Variants in MECOM observed in about 807,000 individuals in gnomAD.
MECOM encodes the protein MDS1 and EVI1 complex locus, also known as histone-lysine N-methyltransferase MECOM.
A neutral mutation model predicts 116.3 loss-of-function variants in MECOM; 13 were observed. That is an observed-to-expected ratio of 0.11 (90% confidence interval 0.07 to 0.18). MECOM has a LOEUF of 0.18. Among genes scored for constraint, MECOM ranks in the 10% least tolerant of loss-of-function variants. The pLI, the probability that MECOM is intolerant of heterozygous loss-of-function variation, is 1.00. For missense variants in MECOM, 1,299 were observed against 1,509.0 expected, an observed-to-expected ratio of 0.86 and a Z score of 2.31; for synonymous variants, 528 against 535.2, an observed-to-expected ratio of 0.99 and a Z score of 0.19.
At chr3:169,555,077 T>C (rs1761867903) in intron 1 of MECOM, among the ~76,000 whole-genome samples, 1 of 152,234 alleles carries the variant, frequency 6.6e-6, no homozygotes, top group Non-Finnish European at 1.5e-5. Context: ...GTCATTTATA[T>C]TTCTAACAGA....
chr3:169,390,458 G>A (rs953094684), intron 1 of MECOM, among the ~76,000 whole-genome samples: 1 of 152,182 alleles, frequency 6.6e-6, no homozygotes, highest in African/African-American at 2.4e-5. Context: ...TGTGGTTTAT[G>A]TGTGGGCAGA....
intron 1 of MECOM, chr3:169,624,011 T>G (rs971370249): frequency 6.6e-6 from 1 of 152,210 alleles, no homozygotes; most frequent in African/African-American, 2.4e-5. Context: ...ATCAATCTAT[T>G]ATGCTATGTA....
intron 2 of MECOM, among the ~76,000 whole-genome samples, chr3:169,294,468 C>T (rs1306078945): frequency 3.3e-5 from 5 of 152,082 alleles, no homozygotes; most frequent in Non-Finnish European, 7.4e-5. Flanking sequence ...AAATGTTAGC[C>T]AAGACAAGAC....
chr3:169,644,897 A>G (rs1244032158), intron 1 of MECOM, among the ~76,000 whole-genome samples: 1 of 152,182 alleles, frequency 6.6e-6, no homozygotes, highest in African/African-American at 2.4e-5. Flanking sequence ...ATACACCTGC[A>G]CACATTTTAT....
At chr3:169,231,545 G>C (rs1753394004) in intron 2 of MECOM, among the ~76,000 whole-genome samples, 3 of 152,104 alleles carry the variant, frequency 2.0e-5, no homozygotes, top group Admixed American at 2.0e-4. Flanking sequence ...GCTATAGTCA[G>C]CTGTAGTCAG....
rs1306387002 is a variant in MECOM, at chr3:169,148,176, A to G, written c.376-4344T>C. On this transcript the variant is annotated intron_variant, in intron 2 of 16. Coordinates refer to ENST00000651503, the MANE Select transcript of MECOM (RefSeq NM_004991.4). ...TTGGCATATAACCCGCCCAAACAGCATATTATGGGTTTAGAGAGATTGATG... is the reference window on the plus strand; with the variant it reads ...TTGGCATATAACCCGCCCAAACAGCGTATTATGGGTTTAGAGAGATTGATG... 3.3e-5 allele frequency among the ~76,000 whole-genome samples: 5 copies of G among 152,274 alleles called. No individual in the cohort carries two copies. The East Asian group carries it at 5.8e-4, about 18-fold the overall frequency.
chr3:169,196,073 T>C lies in MECOM; in HGVS notation c.376-52241A>G, dbSNP rs564065040. 8.5e-5 allele frequency among the ~76,000 whole-genome samples: 13 copies of C among 152,114 alleles called. No individual in the cohort carries two copies. The South Asian group carries it at 2.7e-3, about 32-fold the overall frequency. ...AGAGCTTTTTATGTTTCTTCTCTCC[T>C]ATCGTTATGAACTATAGGGATCCAG... On this transcript the variant is annotated intron_variant, in intron 2 of 16. Transcript: ENST00000651503.
At chr3:169,381,078 T>A in intron 2 of MECOM, 109 bp downstream of exon 2, 1 of 988,850 alleles carries the variant, frequency 1.0e-6, no homozygotes, top group Non-Finnish European at 1.5e-6. Flanking sequence ...AAAAACCTGT[T>A]GAAAACATAT....
At chr3:169,117,915 G>A (rs1729704738) in intron 7 of MECOM, among the ~76,000 whole-genome samples, 1 of 152,014 alleles carries the variant, frequency 6.6e-6, no homozygotes, top group African/African-American at 2.4e-5. Context: ...TTATGTGTGA[G>A]CTTATTTTAA....
chr3:169,127,505 T>C (rs913537621), intron 5 of MECOM, among the ~76,000 whole-genome samples: 1 of 152,194 alleles, frequency 6.6e-6, no homozygotes, highest in African/African-American at 2.4e-5. Context: ...TAGGGGTAGC[T>C]TTATTGTTTC....
chr3:169,325,918 A>G (rs1721758576), intron 2 of MECOM, among the ~76,000 whole-genome samples: 1 of 152,250 alleles, frequency 6.6e-6, no homozygotes, highest in Non-Finnish European at 1.5e-5. Context: ...AATGTGTAGC[A>G]CTAAATTCAA....
At chr3:169,561,347 A>C (rs1248091320) in intron 1 of MECOM, among the ~76,000 whole-genome samples, 3 of 152,106 alleles carry the variant, frequency 2.0e-5, no homozygotes, top group Non-Finnish European at 4.4e-5. Context: ...TTCTAGCAAT[A>C]GGGAAATAGA....
intron 2 of MECOM, among the ~76,000 whole-genome samples, chr3:169,209,329 T>C (rs909269516): frequency 6.6e-6 from 1 of 151,788 alleles, no homozygotes; most frequent in Non-Finnish European, 1.5e-5. Context: ...CAAAAGCAAT[T>C]GCAAAAAAAG....
intron 1 of MECOM, among the ~76,000 whole-genome samples, chr3:169,440,216 A>G (rs921701651): frequency 6.6e-6 from 1 of 151,930 alleles, no homozygotes; most frequent in African/African-American, 2.4e-5. Context: ...TTATATGTGT[A>G]TATATATATT....
In MECOM at chr3:169,127,936, A is replaced by T. The variant is rs1476583648; in HGVS notation, c.738T>A (p.Phe246Leu). 6.2e-7 allele frequency: 1 copy of T among 1,614,092 alleles called. No homozygotes were observed. Among genetic ancestry groups the T allele is most frequent in the East Asian group, 2.2e-5 (1 of 44,880 alleles). Residue 246 changes from phenylalanine to leucine, a missense_variant, in exon 5 of 17, where the codon TTT (phenylalanine) becomes TTA (leucine). Transcript: ENST00000651503. ...HSAFSMVEEDFQQKLESENDL... is the reference protein window; with the variant it reads ...HSAFSMVEEDLQQKLESENDL... ...CATTCTCGCTTTCGAGTTTTTGCTG[A>T]AAGTCCTCTTCAACCATTGAAAATG...
In MECOM at chr3:169,191,792, A is replaced by AAGAAAGAAAGAAAGAAAGGG. The variant is rs1296781633; in HGVS notation, c.376-47961_376-47960insCCCTTTCTTTCTTTCTTTCT. ...AAAGAAAGAAAGAAAGAAAGAAAGA[A>AAGAAAGAAAGAAAGAAAGGG]AGGGAGGGAAGGATAAATCTCTTTG... On this transcript the variant is annotated intron_variant, in intron 2 of 16. Transcript: ENST00000651503. 1.5e-3 allele frequency among the ~76,000 whole-genome samples: 219 copies of AAGAAAGAAAGAAAGAAAGGG among 145,854 alleles called. 1 individual carries two copies. The highest frequency in any genetic ancestry group is 3.9e-3 in the East Asian group (18 of 4,602).
intron 2 of MECOM, among the ~76,000 whole-genome samples, chr3:169,309,893 G>A (rs1438834990): frequency 6.6e-6 from 1 of 152,164 alleles, no homozygotes; most frequent in Non-Finnish European, 1.5e-5. Flanking sequence ...CTGTCAGGAT[G>A]TGTGATGCTA....
In MECOM at chr3:169,343,591, C is replaced by T. The variant is rs542080933; in HGVS notation, c.375+37596G>A. On this transcript the variant is annotated intron_variant, in intron 2 of 16. Transcript: ENST00000651503. ...TACAAAACATTTTGTTAAATAGCTTCGTTAATAGCTAAACAAATAGAAAAT... is the reference window on the plus strand; with the variant it reads ...TACAAAACATTTTGTTAAATAGCTTTGTTAATAGCTAAACAAATAGAAAAT... 3.3e-5 allele frequency among the ~76,000 whole-genome samples: 5 copies of T among 152,154 alleles called. No individual in the cohort carries two copies. In the South Asian group the frequency reaches 6.2e-4, roughly 19 times the overall value.
At chr3:169,659,534 G>C (rs545750179) in intron 1 of MECOM, among the ~76,000 whole-genome samples, 124 of 127,858 alleles carry the variant, frequency 9.7e-4, no homozygotes, top group African/African-American at 3.5e-3. Flanking sequence ...CAATAAAGAA[G>C]CCCTAAGCCC....
Sources: allele counts gnomAD v4.1 joint callset (sites outside exome capture counted in the v4.1 genomes callset), GRCh38; gene constraint gnomAD v4.1.1; transcripts MANE v1.5; gene names NCBI Gene and HGNC (gene_info 2026-07-23, HGNC 2026-07-21).